The following HYOU1 variants were observed in gnomAD, a reference collection of about 807,000 sequenced individuals.
HYOU1 encodes the protein hypoxia up-regulated protein 1.
A neutral mutation model predicts 120.5 loss-of-function variants in HYOU1; 40 were observed. The observed-to-expected ratio is 0.33, with a 90% CI of 0.26 to 0.43. The LOEUF (loss-of-function observed/expected upper bound fraction) is 0.43. Ranked by LOEUF, HYOU1 falls within the 20% of genes least tolerant of loss-of-function variation. The pLI is 1.00. For synonymous variants in HYOU1, 501 were observed against 479.4 expected (o/e 1.05, Z -0.59); for missense variants, 1,085 against 1,278.3 (o/e 0.85, Z 2.31).
chr11:119,049,564 T>G lies in HYOU1; in HGVS notation c.1798A>C (p.Thr600Pro), dbSNP rs1189764259. Residue 600 changes from threonine (T) to proline (P), a missense_variant, in exon 16 of 26, where the codon ACT (threonine) becomes CCT (proline). Physicochemically the swap from Thr to Pro is conservative, Grantham distance 38. This residue lies in a region of HYOU1 where 516 missense variants were observed against 517.1 expected (regional missense o/e 1.00). Coordinates refer to ENST00000617285, the MANE Select transcript of HYOU1 (RefSeq NM_006389.5). ...TPDAKENGTDTVQEEEESPAE... is the reference protein window; with the variant it reads ...TPDAKENGTDPVQEEEESPAE... Reference sequence around the variant, plus strand: ...CTCCATCCTGAACTCACCTGGACAGTATCAGTACCATTCTCCTTGGCATCT... The same window carrying G: ...CTCCATCCTGAACTCACCTGGACAGGATCAGTACCATTCTCCTTGGCATCT... 2.5e-6 allele frequency: 4 copies of G among 1,613,894 alleles called. No homozygotes were observed. In the African/African-American group the frequency reaches 4.0e-5, roughly 16 times the overall value.
At position 119,051,542 on chromosome 11, in the gene HYOU1, C is replaced by T. The variant is rs200124747; in HGVS notation, c.1422G>A (p.Gly474=). 4.3e-6 allele frequency: 7 copies of T among 1,614,012 alleles called. No homozygotes were observed. The highest frequency in any genetic ancestry group is 5.1e-6 in the Non-Finnish European group (6 of 1,180,038). ...TGATGACTTTGCGTTGAGGGTAGGG[C>T]CCCATCCGAGAGAAGAGTACCCGTT... ...HNKRVLFSRM[G]PYPQRKVITF... The change falls in exon 13 of 26, where the codon GGG becomes GGA. Residue 474 remains glycine, a synonymous_variant. Coordinates refer to ENST00000617285, the MANE Select transcript of HYOU1 (RefSeq NM_006389.5). The surrounding 1 kb of genome is among the most constrained non-coding windows in gnomAD (Gnocchi z 4.2).
At chr11:119,046,368 C>T (rs2133549348) in intron 24 of HYOU1, 49 bp downstream of exon 24, 63 of 1,592,884 alleles carry the variant, frequency 4.0e-5, no homozygotes, top group Non-Finnish European at 5.2e-5. Context: ...TTGCCTACCC[C>T]TGGGCTAATG....
In HYOU1 at chr11:119,052,087, C is replaced by T. The variant is rs2133590230; in HGVS notation, c.1205+3G>A. 1 of 1,614,206 alleles carries T rather than the reference C, an allele frequency of 6.2e-7. No individual in the cohort carries two copies. On this transcript the variant is annotated splice_donor_region_variant and intron_variant, in intron 11 of 25. Transcript: ENST00000617285. This position sits in a 1 kb window ranked among gnomAD's most constrained non-coding sequence, Gnocchi z 5.0. Reference sequence around the variant, plus strand: ...AGCCAAGCGCTCTAGCCCCCACACTCACTTGCCCACGGCCTTCAGCAGCAC... The same window carrying T: ...AGCCAAGCGCTCTAGCCCCCACACTTACTTGCCCACGGCCTTCAGCAGCAC...
In HYOU1 at chr11:119,045,244, C is replaced by T. The variant is rs1943994715; in HGVS notation, c.*349G>A. On this transcript the variant is annotated 3_prime_UTR_variant, in exon 26 of 26. Coordinates refer to ENST00000617285, the MANE Select transcript of HYOU1 (RefSeq NM_006389.5). The stretch of plus-strand genomic sequence containing the variant: ...GTGGAAACTCCCCAGCAACCTGATA[C>T]CCTTCCCATCACCGGGACCCATCAG... 2.0e-6 allele frequency: 1 copy of T among 490,570 alleles called. No homozygotes were observed. The highest frequency in any genetic ancestry group is 4.0e-6 in the Non-Finnish European group (1 of 246,980). 30.4% of individuals were successfully genotyped at this position (490,570 alleles called of 1,614,324 possible).
chr11:119,055,932 T>G lies in HYOU1; in HGVS notation c.92-89A>C. 5.0e-6 allele frequency: 7 copies of G among 1,395,854 alleles called. No homozygotes were observed. In the South Asian group the frequency reaches 6.9e-5, roughly 14 times the overall value. The allele number at this position is 1,395,854 out of a possible 1,614,324, so 86.5% of individuals were successfully genotyped here. ...ATCAAAGCATACCACTTTCCATGGG[T>G]AAACGAAGATGGCAAAAGACAAAAA... On this transcript the variant is annotated intron_variant, in intron 2 of 25. Transcript: ENST00000617285. This position sits in a 1 kb window ranked among gnomAD's most constrained non-coding sequence, Gnocchi z 4.0.
Position 119,052,760 on chromosome 11 carries a change from A to C in HYOU1, c.864T>G (p.Asn288Lys). Residue 288 changes from asparagine to lysine, a missense_variant, in exon 9 of 26, where the codon AAT becomes AAG. This residue lies in a region of HYOU1 where 515 missense variants were observed against 677.8 expected (regional missense o/e 0.76). Transcript: ENST00000617285. This position sits in a 1 kb window ranked among gnomAD's most constrained non-coding sequence, Gnocchi z 5.0. ...TTGCTCTCTGACCCTTGCGCTGCTC[A>C]TTGAAAAGCCCAGCCAGGCGTTCTC... The part of the protein sequence containing the change: ...RLRERLAGLF[N>K]EQRKGQRAKD... The C allele has an allele frequency of 6.2e-7, 1 of 1,614,214 alleles. No homozygotes were observed. Among genetic ancestry groups the C allele is most frequent in the Non-Finnish European group, 8.5e-7 (1 of 1,180,030 alleles).
rs1228586144 is a variant in HYOU1 at position 119,048,791 on chromosome 11, T to C, written c.2088A>G (p.Val696=). 2 of 1,614,118 alleles carry C rather than the reference T, an allele frequency of 1.2e-6. No individual in the cohort carries two copies. Among genetic ancestry groups the C allele is most frequent in the Non-Finnish European group, 1.7e-6 (2 of 1,180,002 alleles). The change falls in exon 18 of 26, where the codon GTA becomes GTG. Residue 696 remains valine (V), a synonymous_variant. Transcript: ENST00000617285. This position sits in a 1 kb window ranked among gnomAD's most constrained non-coding sequence, Gnocchi z 4.7. ...CAACCAGCTCCACCCCGATCTCCTC[T>C]ACCATTCGCCGCTTCCTGGCGGGCT... The part of the protein sequence containing the change: ...KQKPARKRRM[V]EEIGVELVVL...
Position 119,045,416 on chromosome 11 carries a change from G to C in HYOU1, c.*177C>G, listed in dbSNP as rs1216134851. On this transcript the variant is annotated 3_prime_UTR_variant, in exon 26 of 26. Transcript: ENST00000617285. ...TTCCATTTTTAACCACAGAGGTACTGCAGAAGGAACCAGTGAGCTGTCCCT... is the reference window on the plus strand; with the variant it reads ...TTCCATTTTTAACCACAGAGGTACTCCAGAAGGAACCAGTGAGCTGTCCCT... 1 of 723,522 alleles carries C rather than the reference G, an allele frequency of 1.4e-6. No individual in the cohort carries two copies. The highest frequency in any genetic ancestry group is 2.5e-6 in the Non-Finnish European group (1 of 398,830). 44.8% of individuals were successfully genotyped at this position (723,522 alleles called of 1,614,324 possible). A position where few individuals can be genotyped will look rare whatever the true frequency, so the allele number is the denominator to read the frequency against.
Position 119,048,803 on chromosome 11 carries a change from C to T in HYOU1, c.2076G>A (p.Lys692=). The T allele has an allele frequency of 3.7e-6, 6 of 1,614,158 alleles. No individual in the cohort carries two copies. In the South Asian group the frequency reaches 6.6e-5, roughly 18 times the overall value. Residue 692 remains lysine, a synonymous_variant, in exon 18 of 26, where the codon AAG becomes AAA. Transcript: ENST00000617285. This position sits in a 1 kb window ranked among gnomAD's most constrained non-coding sequence, Gnocchi z 4.7. ...EGEKKQKPAR[K]RRMVEEIGVE... is the part of the protein sequence containing the mutation. Reference sequence around the variant, plus strand: ...CCCCGATCTCCTCTACCATTCGCCGCTTCCTGGCGGGCTTCTGCTTCTTCT... The same window carrying T: ...CCCCGATCTCCTCTACCATTCGCCGTTTCCTGGCGGGCTTCTGCTTCTTCT...
Position 119,044,786 on chromosome 11 carries a change from A to G in HYOU1, c.*807T>C, listed in dbSNP as rs1229105424. 9.6e-6 allele frequency: 2 copies of G among 208,428 alleles called. No individual in the cohort carries two copies. Among genetic ancestry groups the G allele is most frequent in the Non-Finnish European group, 2.0e-5 (2 of 98,032 alleles). 12.9% of individuals were successfully genotyped at this position (208,428 alleles called of 1,614,324 possible). A position where few individuals can be genotyped will look rare whatever the true frequency, so the allele number is the denominator to read the frequency against. ...AACCTGGGGTACCAGGCTGCTGGGA[A>G]GATGCAGATTATGACAGAGCTTGCA... On this transcript the variant is annotated 3_prime_UTR_variant, in exon 26 of 26. Transcript: ENST00000617285.
intron 22 of HYOU1, 149 bp from the exon 23 acceptor site, chr11:119,046,951 C>T (rs1944116947): frequency 9.9e-7 from 1 of 1,013,818 alleles, no homozygotes; most frequent in East Asian, 2.5e-5. Context: ...CTAACAGACT[C>T]CTCAGAAGGG....
intron 1 of HYOU1, chr11:119,056,792 A>G (rs896312678): frequency 5.1e-6 from 1 of 196,606 alleles, no homozygotes; most frequent in African/African-American, 2.4e-5. Context: ...CCCGGTGTTC[A>G]CCTAAACCCC....
chr11:119,051,352 A>G lies in HYOU1; in HGVS notation c.1526+86T>C, dbSNP rs1944424835. ...CCCTGTTTCAGCCCCGCAGGCCCAC[A>G]TCCTCCCTCACCCCCAGTCCTCAGA... On this transcript the variant is annotated intron_variant, in intron 13 of 25. Coordinates refer to ENST00000617285, the MANE Select transcript of HYOU1 (RefSeq NM_006389.5). The surrounding 1 kb of genome is among the most constrained non-coding windows in gnomAD (Gnocchi z 4.2). The G allele has an allele frequency of 6.6e-7, 1 of 1,508,664 alleles. No homozygotes were observed. Among genetic ancestry groups the G allele is most frequent in the South Asian group, 1.2e-5 (1 of 83,908 alleles). The allele number at this position is 1,508,664 out of a possible 1,614,324, so 93.5% of individuals were successfully genotyped here.
rs2133562337 is a variant in HYOU1 at position 119,048,285 on chromosome 11, G to A, written c.2339C>T (p.Thr780Ile). The change falls in exon 20 of 26, where the codon ACC becomes ATC. Residue 780 changes from threonine (T) to isoleucine (I), a missense_variant. Coordinates refer to ENST00000617285, the MANE Select transcript of HYOU1 (RefSeq NM_006389.5). The surrounding 1 kb of genome is among the most constrained non-coding windows in gnomAD (Gnocchi z 4.7). ...EISGKLSAAS[T>I]WLEDEGVGAT... ...TCCAACACCCTCATCCTCCAGCCAGGTGGATGCGGCGCTGAGCTTCCCAGA... is the reference window on the plus strand; with the variant it reads ...TCCAACACCCTCATCCTCCAGCCAGATGGATGCGGCGCTGAGCTTCCCAGA... 2 of 1,611,598 alleles carry A rather than the reference G, an allele frequency of 1.2e-6. No individual in the cohort carries two copies. Among genetic ancestry groups the A allele is most frequent in the Non-Finnish European group, 1.7e-6 (2 of 1,179,994 alleles).
chr11:119,048,753 G>A lies in HYOU1; in HGVS notation c.2126C>T (p.Pro709Leu). The change falls in exon 18 of 26, where the codon CCT (proline) becomes CTT (leucine). Residue 709 changes from proline (P) to leucine (L), a missense_variant. By Grantham distance (98) the Pro-to-Leu change is moderately conservative. Around this residue, in one of 4 missense-constraint regions of HYOU1, gnomAD observed 516 missense variants for 517.1 expected, o/e 1.00. Transcript: ENST00000617285. This position sits in a 1 kb window ranked among gnomAD's most constrained non-coding sequence, Gnocchi z 4.7. ...IGVELVVLDLPDLPEDKLAQS... is the reference protein window; with the variant it reads ...IGVELVVLDLLDLPEDKLAQS... ...AGCCAGCTTATCCTCTGGCAAGTCA[G>A]GCAGGTCCAGAACAACCAGCTCCAC... The A allele has an allele frequency of 6.2e-7, 1 of 1,613,310 alleles. No homozygotes were observed. Among genetic ancestry groups the A allele is most frequent in the South Asian group, 1.1e-5 (1 of 90,944 alleles).
chr11:119,054,174 C>T lies in HYOU1; in HGVS notation c.741G>A (p.Met247Ile). ...STVCTIVTYQ[M>I]VKTKEAGMQP... ...GCATCCCAGCTTCCTTAGTCTTCAC[C>T]ATCTGGTAGGTCACAATGGTGCATA... Residue 247 changes from methionine to isoleucine, a missense_variant, in exon 8 of 26, where the codon ATG becomes ATA. Physicochemically the swap from Met to Ile is conservative, Grantham distance 10 (BLOSUM62 1). This residue lies in a region of HYOU1 where 515 missense variants were observed against 677.8 expected (regional missense o/e 0.76). Coordinates refer to ENST00000617285, the MANE Select transcript of HYOU1 (RefSeq NM_006389.5). 6.2e-7 allele frequency: 1 copy of T among 1,614,170 alleles called. No homozygotes were observed. Among genetic ancestry groups the T allele is most frequent in the Non-Finnish European group, 8.5e-7 (1 of 1,180,008 alleles).
Position 119,047,928 on chromosome 11 carries a change from G to C in HYOU1, c.2510+19C>G, listed in dbSNP as rs2133559534. 2 of 1,614,182 alleles carry C rather than the reference G, an allele frequency of 1.2e-6. No individual in the cohort carries two copies. The highest frequency in any genetic ancestry group is 1.1e-5 in the South Asian group (1 of 91,086). The stretch of plus-strand genomic sequence containing the variant: ...AGTGGCCTTGGCAGGACTGCAAAAA[G>C]GGTTCAGGGGCTGCTCACTTGAGGA... On this transcript the variant is annotated intron_variant, in intron 21 of 25. Coordinates refer to ENST00000617285, the MANE Select transcript of HYOU1 (RefSeq NM_006389.5).
In HYOU1 at chr11:119,055,679, A is replaced by G. The variant is rs892335415; in HGVS notation, c.185+71T>C. 2.7e-6 allele frequency: 4 copies of G among 1,499,868 alleles called. No individual in the cohort carries two copies. Among genetic ancestry groups the G allele is most frequent in the Non-Finnish European group, 9.3e-7 (1 of 1,075,868 alleles). The allele number at this position is 1,499,868 out of a possible 1,614,324, so 92.9% of individuals were successfully genotyped here. A position where few individuals can be genotyped will look rare whatever the true frequency, so the allele number is the denominator to read the frequency against. On this transcript the variant is annotated intron_variant, in intron 3 of 25. Coordinates refer to ENST00000617285, the MANE Select transcript of HYOU1 (RefSeq NM_006389.5). This position sits in a 1 kb window ranked among gnomAD's most constrained non-coding sequence, Gnocchi z 4.0. Reference sequence around the variant, plus strand: ...GATGCCGAAGTCTGCTGTGGGCACTATGACTAACACATTCACACTTGGAGC... The same window carrying G: ...GATGCCGAAGTCTGCTGTGGGCACTGTGACTAACACATTCACACTTGGAGC...
rs2133568152 is a variant in HYOU1 at position 119,048,883 on chromosome 11, G to A, written c.1996C>T (p.Pro666Ser). ...GGCCCTGCCTCTGCCTTCTCACTTG[G>A]TTTCTGGGTGGGAAGAGTCAGGGGT... ...ENGDKSEAQK[P>S]SEKAEAGPEG... Residue 666 changes from proline to serine, a missense_variant, in exon 18 of 26, where the codon CCA (proline) becomes TCA (serine). Transcript: ENST00000617285. The surrounding 1 kb of genome is among the most constrained non-coding windows in gnomAD (Gnocchi z 4.7). 3 of 1,605,596 alleles carry A rather than the reference G, an allele frequency of 1.9e-6. No individual in the cohort carries two copies. Among genetic ancestry groups the A allele is most frequent in the Admixed American group, 1.7e-5 (1 of 58,366 alleles).
Sources: allele counts gnomAD v4.1 joint callset, GRCh38; gene constraint gnomAD v4.1.1; regional missense constraint gnomAD v4.1.1; non-coding constraint Gnocchi (gnomAD v3.1); transcripts MANE v1.5; gene names NCBI Gene and HGNC (gene_info 2026-07-23, HGNC 2026-07-21).